The following GPAM variants were observed in gnomAD, a reference collection of about 807,000 sequenced individuals.
The protein encoded by GPAM is glycerol-3-phosphate acyltransferase 1, mitochondrial.
GPAM carries 56 observed loss-of-function variants against 105.0 expected under a neutral mutation model. The ratio of observed to expected loss-of-function variants is 0.53; its 90% CI spans 0.43 to 0.67. The LOEUF is 0.67. GPAM is among the 30% of genes least tolerant of loss of function. The pLI is 0.00. For synonymous variants in GPAM, 368 were observed against 354.4 expected (o/e 1.04, Z -0.43); for missense variants, 855 against 989.8 (o/e 0.86, Z 1.83).
intron 8 of GPAM, 90 bp from the exon 9 acceptor site, chr10:112,172,408 A>T: frequency 2.1e-6 from 2 of 948,416 alleles, no homozygotes; most frequent in Admixed American, 3.6e-5. Context: ...TCACTCAAAC[A>T]CTGGCTAATC....
the GPAM span, among the ~76,000 whole-genome samples, chr10:112,222,487 C>T: frequency 2.0e-5 from 3 of 152,142 alleles, no homozygotes; most frequent in Non-Finnish European, 2.9e-5. Flanking sequence ...GATCCTTGTA[C>T]TTGGTAGGTA....
intron 6 of GPAM, among the ~76,000 whole-genome samples, chr10:112,175,212 T>A (rs1034640166): frequency 6.6e-6 from 1 of 152,188 alleles, no homozygotes; most frequent in African/African-American, 2.4e-5. Flanking sequence ...ACCTAGATAC[T>A]CAGTAACTGG....
chr10:112,164,657 A>T (rs765000664), intron 12 of GPAM, 47 bp from the exon 13 acceptor site: 1 of 968,838 alleles, frequency 1.0e-6, no homozygotes, highest in Admixed American at 1.7e-5. Context: ...CTTTCGCACC[A>T]ACATATAAAA....
the GPAM span, among the ~76,000 whole-genome samples, chr10:112,222,646 A>G: frequency 6.6e-6 from 1 of 152,096 alleles, no homozygotes; most frequent in Non-Finnish European, 1.5e-5. Context: ...CATGGCACAC[A>G]TTGTTCCTGA....
chr10:112,210,510 G>A (rs1287117976), intron 1 of GPAM, among the ~76,000 whole-genome samples: 1 of 152,158 alleles, frequency 6.6e-6, no homozygotes, highest in African/African-American at 2.4e-5. Flanking sequence ...AAACAATGGG[G>A]GATATTGGAT....
At chr10:112,213,261 G>C (rs982353063) in intron 1 of GPAM, among the ~76,000 whole-genome samples, 1 of 152,134 alleles carries the variant, frequency 6.6e-6, no homozygotes, top group Non-Finnish European at 1.5e-5. Flanking sequence ...AAAAAGCATG[G>C]GCTCTGAAGT....
At position 112,151,192 on chromosome 10, in the gene GPAM, A is replaced by T; in HGVS notation, c.*2358T>A. On this transcript the variant is annotated 3_prime_UTR_variant, in exon 22 of 22. Coordinates refer to ENST00000348367, the MANE Select transcript of GPAM (RefSeq NM_001244949.2). Reference sequence around the variant, plus strand: ...ATGTTACAGAAATGCGATAGAGTAAACTGTAATAAATTATTTACAAGCACC... The same window carrying T: ...ATGTTACAGAAATGCGATAGAGTAATCTGTAATAAATTATTTACAAGCACC... 2.0e-6 allele frequency: 2 copies of T among 982,886 alleles called. No individual in the cohort carries two copies. Among genetic ancestry groups the T allele is most frequent in the Non-Finnish European group, 2.4e-6 (2 of 827,364 alleles). The allele number at this position is 982,886 out of a possible 1,614,324, so 60.9% of individuals were successfully genotyped here. A position where few individuals can be genotyped will look rare whatever the true frequency, so the allele number is the denominator to read the frequency against.
At chr10:112,199,074 C>T (rs1007083845) in intron 1 of GPAM, among the ~76,000 whole-genome samples, 1 of 149,360 alleles carries the variant, frequency 6.7e-6, no homozygotes. Flanking sequence ...AGACACACGC[C>T]GCCACGCCTG....
intron 1 of GPAM, among the ~76,000 whole-genome samples, chr10:112,202,181 T>C (rs1412620351): frequency 1.3e-5 from 2 of 152,362 alleles, no homozygotes; most frequent in East Asian, 3.9e-4. Context: ...GTGGGCTATA[T>C]GGTCCTGGTC....
intron 1 of GPAM, among the ~76,000 whole-genome samples, chr10:112,201,428 A>G (rs556362189): frequency 6.6e-6 from 1 of 152,136 alleles, no homozygotes; most frequent in South Asian, 2.1e-4. Context: ...AAGCTCTCAC[A>G]TTGTTTTGCC....
intron 6 of GPAM, among the ~76,000 whole-genome samples, chr10:112,174,101 G>GTGACAACTAT (rs1847361572): frequency 6.6e-6 from 1 of 151,412 alleles, no homozygotes; most frequent in South Asian, 2.1e-4. Flanking sequence ...AAATTTACTG[G>GTGACAACTAT]GTGAATTTGA....
rs761518407 is a variant in GPAM at position 112,172,314 on chromosome 10, T to C, written c.662A>G (p.Asn221Ser). ...LEMVKAATET[N>S]LPLLFLPVHR... ...AACTGGTAGAAACAGAAGCGGCAAATTCGTCTAGCAAAGGGAAAAATGCCA... is the reference window on the plus strand; with the variant it reads ...AACTGGTAGAAACAGAAGCGGCAAACTCGTCTAGCAAAGGGAAAAATGCCA... Residue 221 changes from asparagine to serine, a missense_variant, in exon 9 of 22, where the codon AAT becomes AGT. Physicochemically the swap from Asn to Ser is conservative, Grantham distance 46. Transcript: ENST00000348367. 33 of 1,612,964 alleles carry C rather than the reference T, an allele frequency of 2.0e-5. No individual in the cohort carries two copies. The highest frequency in any genetic ancestry group is 2.6e-5 in the Non-Finnish European group (31 of 1,179,236).
intron 11 of GPAM, among the ~76,000 whole-genome samples, chr10:112,166,800 A>C (rs1438748899): frequency 6.6e-6 from 1 of 152,200 alleles, no homozygotes; most frequent in Non-Finnish European, 1.5e-5. Context: ...ACAAAAATAC[A>C]ATTGCAAACT....
upstream of GPAM, among the ~76,000 whole-genome samples, chr10:112,184,333 TAATG>T (rs1412712665): frequency 6.6e-6 from 1 of 152,182 alleles, no homozygotes; most frequent in Admixed American, 6.5e-5. Context: ...TAGTAAATAA[TAATG>T]TATTATACAG....
At chr10:112,193,607 T>C (rs12774773) in intron 1 of GPAM, among the ~76,000 whole-genome samples, 13 of 152,214 alleles carry the variant, frequency 8.5e-5, no homozygotes, top group Admixed American at 7.9e-4. Flanking sequence ...GGTCAGAATC[T>C]GTAAAGTGGC....
chr10:112,153,322 C>T lies in GPAM; in HGVS notation c.*228G>A, dbSNP rs552300377. 3.1e-5 allele frequency: 43 copies of T among 1,404,934 alleles called. No homozygotes were observed. The African/African-American group carries it at 3.2e-4, about 10-fold the overall frequency. The allele number at this position is 1,404,934 out of a possible 1,614,324, so 87.0% of individuals were successfully genotyped here. A position where few individuals can be genotyped will look rare whatever the true frequency, so the allele number is the denominator to read the frequency against. On this transcript the variant is annotated 3_prime_UTR_variant, in exon 22 of 22. Coordinates refer to ENST00000348367, the MANE Select transcript of GPAM (RefSeq NM_001244949.2). ...CTTGTAGTCTACGGATTATGAGTTG[C>T]GAATAGAGGCTGAGGTCCCCCCAAG...
chr10:112,160,221 C>A, intron 16 of GPAM, 168 bp from the exon 17 acceptor site: 1 of 376,980 alleles, frequency 2.7e-6, no homozygotes, highest in African/African-American at 2.2e-5. Context: ...TCCATATGAT[C>A]CCAACTGCAT....
rs41313471 is a variant in GPAM at position 112,154,776 on chromosome 10, T to G, written c.2312-89A>C. The G allele has an allele frequency of 4.4e-3, 4,731 of 1,065,140 alleles. 102 individuals are homozygous for G. The African/African-American group carries it at 0.054, about 12-fold the overall frequency. The allele number at this position is 1,065,140 out of a possible 1,614,324, so 66.0% of individuals were successfully genotyped here. ...GCCACAGTAAGAAAGTATGGGGAGC[T>G]AGGAAGAGAATGAGGGCAAGTCAGC... On this transcript the variant is annotated intron_variant, in intron 20 of 21. Transcript: ENST00000348367.
chr10:112,175,232 C>A (rs1399895774), intron 6 of GPAM, among the ~76,000 whole-genome samples: 1 of 152,168 alleles, frequency 6.6e-6, no homozygotes, highest in East Asian at 1.9e-4. Context: ...GCAAAAATAT[C>A]AAACTCAATT....
Sources: gnomAD v4.1 joint callset for allele counts (sites outside exome capture counted in the v4.1 genomes callset) on GRCh38, gnomAD v4.1.1 for gene constraint, MANE v1.5 for transcripts, NCBI Gene and HGNC (gene_info 2026-07-23, HGNC 2026-07-21) for gene names.